The following IL1RAPL2 variants were observed in gnomAD, a reference collection of about 807,000 sequenced individuals.
IL1RAPL2 encodes X-linked interleukin-1 receptor accessory protein-like 2.
IL1RAPL2 carries 3 observed loss-of-function variants against 44.1 expected under a neutral mutation model. That is an observed-to-expected ratio of 0.07 (90% CI 0.03 to 0.18). The LOEUF is 0.18. Ranked by LOEUF, IL1RAPL2 falls within the 10% of genes least tolerant of loss-of-function variation. The pLI, the probability that IL1RAPL2 is intolerant of heterozygous loss-of-function variation, is 1.00. For missense variants in IL1RAPL2, 391 were observed against 496.4 expected, an observed-to-expected ratio of 0.79 and a Z score of 2.02; for synonymous variants, 181 against 178.8, an observed-to-expected ratio of 1.01 and a Z score of -0.10.
intron 5 of IL1RAPL2, among the ~76,000 whole-genome samples, chrX:105,388,148 CAAAAAAAAAAAAAAAAAAAAAAA>C (rs760730401): frequency 0.021 from 111 of 5,381 alleles, no homozygotes; most frequent in Admixed American, 0.036. Context: ...AACTCCATCT[CAAAAAAAAAAAAAAAAAAAAAAA>C]AAAAAAAAAA....
chrX:104,819,299 G>A (rs1400400174), intron 2 of IL1RAPL2, among the ~76,000 whole-genome samples: 1 of 112,045 alleles, frequency 8.9e-6, no homozygotes, highest in Non-Finnish European at 1.9e-5. Context: ...ATGATGGTGG[G>A]AAAGCAATAC....
chrX:104,572,016 C>T (rs187016653), intron 1 of IL1RAPL2, among the ~76,000 whole-genome samples: 119 of 112,145 alleles, frequency 1.1e-3, no homozygotes, highest in African/African-American at 3.7e-3. Flanking sequence ...CTTGGGTGTG[C>T]ATCACTCTAG....
intron 6 of IL1RAPL2, among the ~76,000 whole-genome samples, chrX:105,542,688 AT>A (rs1159844672): frequency 1.2e-5 from 1 of 84,860 alleles, no homozygotes; most frequent in Non-Finnish European, 2.2e-5. Context: ...TATTTTTTAT[AT>A]TTTTTATTTA....
At chrX:105,036,443 A>C (rs1174209189) in intron 2 of IL1RAPL2, among the ~76,000 whole-genome samples, 2 of 112,080 alleles carry the variant, frequency 1.8e-5, no homozygotes, top group Non-Finnish European at 3.8e-5. Flanking sequence ...GCCAACGACT[A>C]CCTCTTACAA....
intron 7 of IL1RAPL2, among the ~76,000 whole-genome samples, chrX:105,717,778 A>G (rs770032254): frequency 1.8e-5 from 2 of 112,287 alleles, no homozygotes; most frequent in Non-Finnish European, 3.8e-5. Context: ...AGTCACAGCA[A>G]AGGTCCAGTC....
chrX:105,729,968 A>G (rs1309986138), intron 7 of IL1RAPL2, among the ~76,000 whole-genome samples: 1 of 109,164 alleles, frequency 9.2e-6, no homozygotes, highest in African/African-American at 3.4e-5. Context: ...AAATAATACA[A>G]AACAACCAGA....
At chrX:105,595,602 GTTGTTTGTTTGT>G (rs749720909) in intron 6 of IL1RAPL2, among the ~76,000 whole-genome samples, 22 of 109,533 alleles carry the variant, frequency 2.0e-4, no homozygotes, top group African/African-American at 6.8e-4. Flanking sequence ...TTTTGTTGTT[GTTGTTTGTTTGT>G]TTGTTTGTTT....
intron 1 of IL1RAPL2, among the ~76,000 whole-genome samples, chrX:104,640,568 T>C (rs1929913805): frequency 8.9e-6 from 1 of 112,291 alleles, no homozygotes; most frequent in Non-Finnish European, 1.9e-5. Flanking sequence ...CTTTTTTGTG[T>C]TCCTTTTGTC....
chrX:105,564,983 G>C (rs2036964696), intron 6 of IL1RAPL2, among the ~76,000 whole-genome samples: 1 of 112,473 alleles, frequency 8.9e-6, no homozygotes, highest in Admixed American at 9.4e-5. Flanking sequence ...CCTGCAAAGG[G>C]AAGCTAAGAG....
At chrX:104,907,369 T>C (rs891003201) in intron 2 of IL1RAPL2, among the ~76,000 whole-genome samples, 5 of 111,041 alleles carry the variant, frequency 4.5e-5, no homozygotes, top group African/African-American at 1.6e-4. Flanking sequence ...TGCTCTTGCT[T>C]TTCTAGTTCT....
intron 2 of IL1RAPL2, among the ~76,000 whole-genome samples, chrX:104,773,439 A>T (rs1440308981): frequency 9.0e-6 from 1 of 111,442 alleles, no homozygotes. Flanking sequence ...GAATCTATTC[A>T]CCTTTCTTTT....
At chrX:104,580,129 A>T (rs1245930680) in intron 1 of IL1RAPL2, among the ~76,000 whole-genome samples, 1 of 112,080 alleles carries the variant, frequency 8.9e-6, no homozygotes, top group Non-Finnish European at 1.9e-5. Context: ...CACTATATTC[A>T]GGATTGATGT....
At chrX:105,033,207 C>A (rs1352271977) in intron 2 of IL1RAPL2, among the ~76,000 whole-genome samples, 3 of 111,539 alleles carry the variant, frequency 2.7e-5, no homozygotes, top group Non-Finnish European at 3.8e-5. Context: ...TTAATTGGAG[C>A]ATTTAGCCCA....
chrX:105,456,377 A>G (rs1459802976), intron 5 of IL1RAPL2, among the ~76,000 whole-genome samples: 1 of 111,484 alleles, frequency 9.0e-6, no homozygotes, highest in African/African-American at 3.3e-5. Flanking sequence ...GTGGTGACAG[A>G]GGGCATCCTT....
chrX:105,324,918 A>C (rs1159166624), intron 5 of IL1RAPL2, among the ~76,000 whole-genome samples: 1 of 112,198 alleles, frequency 8.9e-6, no homozygotes, highest in African/African-American at 3.2e-5. Flanking sequence ...AGCTTATCTG[A>C]TAGATCAACC....
intron 1 of IL1RAPL2, among the ~76,000 whole-genome samples, chrX:104,602,370 C>T (rs1387894534): frequency 9.0e-6 from 1 of 111,553 alleles, no homozygotes; most frequent in Middle Eastern, 4.6e-3. Flanking sequence ...CCACCAGGGC[C>T]CTGGGTTTCA....
At chrX:105,050,926 C>T (rs906173884) in intron 2 of IL1RAPL2, among the ~76,000 whole-genome samples, 1 of 112,408 alleles carries the variant, frequency 8.9e-6, no homozygotes, top group Non-Finnish European at 1.9e-5. Flanking sequence ...GCTGGTCATC[C>T]AGTTGTCTGT....
At chrX:104,602,414 C>T (rs760327881) in intron 1 of IL1RAPL2, among the ~76,000 whole-genome samples, 6 of 111,600 alleles carry the variant, frequency 5.4e-5, no homozygotes, top group Non-Finnish European at 9.4e-5. Flanking sequence ...GGGCAGACAC[C>T]AAAGTAGCTG....
At chrX:104,676,111 T>C (rs1201122035) in intron 2 of IL1RAPL2, among the ~76,000 whole-genome samples, 1 of 108,952 alleles carries the variant, frequency 9.2e-6, no homozygotes, top group Non-Finnish European at 1.9e-5. Flanking sequence ...TTAAAGTTAA[T>C]ATTGTTATGT....
Sources: allele counts gnomAD v4.1 joint callset (sites outside exome capture counted in the v4.1 genomes callset), GRCh38; gene constraint gnomAD v4.1.1; transcripts MANE v1.5; gene names NCBI Gene and HGNC (gene_info 2026-07-23, HGNC 2026-07-21).